ABI3BP: variants seen among roughly 807,000 people sequenced by gnomAD.
ABI3BP encodes the protein ABI family member 3 binding protein, also known as target of Nesh-SH3.
In ABI3BP, 216 loss-of-function variants were observed where a neutral mutation model predicts 268.6. The observed-to-expected ratio is 0.80, with a 90% CI of 0.72 to 0.90. The LOEUF (loss-of-function observed/expected upper bound fraction) is 0.90, where lower values mean the gene tolerates loss of function less well. ABI3BP is among the 40% of genes least tolerant of loss of function. The probability of loss-of-function intolerance (pLI) is 0.00; values close to 1 mark genes in which losing one functional copy is unlikely to be tolerated. For missense variants in ABI3BP, 2,090 were observed against 2,182.4 expected (o/e 0.96, Z 0.84); for synonymous variants, 730 against 730.0 (o/e 1.00, Z 0.00).
chr3:100,818,574 A>G lies in ABI3BP; in HGVS notation c.3039T>C (p.Ser1013=). ...TGAGAGTACCAGGTTCAAGATCTGT[A>G]GAAGGAACTAATTAAAAGCAATGAA... The part of the protein sequence containing the change: ...PEVPQTKLVP[S]TDLEPGTLRT... Residue 1013 remains serine, a synonymous_variant, in exon 41 of 68, where the codon TCT becomes TCC. Transcript: ENST00000471714. 6.5e-7 allele frequency: 1 copy of G among 1,534,946 alleles called. No homozygotes were observed. The highest frequency in any genetic ancestry group is 8.7e-7 in the Non-Finnish European group (1 of 1,145,906).
chr3:100,783,082 T>C (rs573769333), intron 57 of ABI3BP, among the ~76,000 whole-genome samples: 6 of 152,258 alleles, frequency 3.9e-5, no homozygotes, highest in African/African-American at 1.4e-4. Flanking sequence ...AACAAAAACT[T>C]TGCAAACAAA....
At chr3:100,926,611 A>G in intron 1 of ABI3BP, 130 bp from the exon 2 acceptor site, 2 of 797,672 alleles carry the variant, frequency 2.5e-6, no homozygotes, top group Admixed American at 2.6e-5. Flanking sequence ...GCTACTCAGT[A>G]TTACAGCACA....
At chr3:100,958,774 T>G (rs565855426) in intron 1 of ABI3BP, among the ~76,000 whole-genome samples, 1 of 152,336 alleles carries the variant, frequency 6.6e-6, no homozygotes, top group African/African-American at 2.4e-5. Context: ...TTGGTTAAAA[T>G]TTTTAATGAA....
intron 12 of ABI3BP, 105 bp from the exon 13 acceptor site, chr3:100,863,014 A>G: frequency 1.3e-6 from 1 of 778,712 alleles, no homozygotes; most frequent in Admixed American, 2.5e-5. Flanking sequence ...AAAAAGGCAA[A>G]TCATGTTAAG....
chr3:100,858,819 T>A (rs2098965972), intron 14 of ABI3BP, among the ~76,000 whole-genome samples: 1 of 152,156 alleles, frequency 6.6e-6, no homozygotes, highest in African/African-American at 2.4e-5. Flanking sequence ...CAGTCTCTAA[T>A]TATGTGGCAC....
intron 63 of ABI3BP, among the ~76,000 whole-genome samples, chr3:100,764,749 A>T (rs1003084799): frequency 4.6e-5 from 7 of 152,236 alleles, no homozygotes; most frequent in Admixed American, 2.6e-4. Flanking sequence ...ATTATGGCAA[A>T]ACAGACTTTC....
intron 1 of ABI3BP, among the ~76,000 whole-genome samples, chr3:100,976,818 A>G (rs1170754711): frequency 6.6e-6 from 1 of 152,126 alleles, no homozygotes; most frequent in African/African-American, 2.4e-5. Context: ...GGCTGTCTTT[A>G]AGCTATCTTG....
At chr3:100,975,413 T>C (rs990222236) in intron 1 of ABI3BP, among the ~76,000 whole-genome samples, 1 of 152,052 alleles carries the variant, frequency 6.6e-6, no homozygotes, top group Non-Finnish European at 1.5e-5. Flanking sequence ...TTGGGGGAGA[T>C]GGGCTGCTAA....
intron 1 of ABI3BP, among the ~76,000 whole-genome samples, chr3:100,967,693 A>G (rs146505380): frequency 7.0e-4 from 106 of 152,244 alleles, no homozygotes; most frequent in African/African-American, 2.3e-3. Flanking sequence ...CAATTCAAAA[A>G]CAATTCAATA....
intron 30 of ABI3BP, among the ~76,000 whole-genome samples, 194 bp downstream of exon 30, chr3:100,832,931 C>G (rs1196431674): frequency 6.6e-6 from 1 of 152,130 alleles, no homozygotes; most frequent in Non-Finnish European, 1.5e-5. Context: ...CAGTTTCAAG[C>G]TGGGCTATGG....
chr3:100,841,044 C>A (rs996233344), intron 21 of ABI3BP, among the ~76,000 whole-genome samples, 186 bp from the exon 22 acceptor site: 9 of 151,270 alleles, frequency 5.9e-5, no homozygotes, highest in Non-Finnish European at 1.3e-4. Flanking sequence ...ACAAAGCGAA[C>A]AAAAAAATGT....
intron 14 of ABI3BP, among the ~76,000 whole-genome samples, chr3:100,861,232 C>T (rs2153150083): frequency 6.6e-6 from 1 of 152,214 alleles, no homozygotes; most frequent in South Asian, 2.1e-4. Flanking sequence ...AGACATATTC[C>T]CTTAATTTGA....
intron 57 of ABI3BP, among the ~76,000 whole-genome samples, chr3:100,785,848 G>A (rs2097023926): frequency 6.6e-6 from 1 of 152,090 alleles, no homozygotes; most frequent in African/African-American, 2.4e-5. Flanking sequence ...GCTTTCATTG[G>A]GGATGAATTT....
chr3:100,929,409 C>T (rs2062901044), intron 1 of ABI3BP, among the ~76,000 whole-genome samples: 1 of 152,054 alleles, frequency 6.6e-6, no homozygotes, highest in Non-Finnish European at 1.5e-5. Flanking sequence ...CTTTTGCTAA[C>T]AATGTATATC....
intron 63 of ABI3BP, among the ~76,000 whole-genome samples, chr3:100,764,798 C>A (rs1175961876): frequency 1.3e-5 from 2 of 152,178 alleles, no homozygotes; most frequent in Non-Finnish European, 1.5e-5. Flanking sequence ...GGAAACAGAA[C>A]AAAGAGCAAA....
intron 1 of ABI3BP, among the ~76,000 whole-genome samples, chr3:100,928,650 G>C (rs946734260): frequency 4.6e-5 from 7 of 151,992 alleles, no homozygotes; most frequent in Non-Finnish European, 7.4e-5. Flanking sequence ...TTGTTATACT[G>C]TGGCAAAATA....
chr3:100,820,587 G>A (rs2098189422), intron 39 of ABI3BP, among the ~76,000 whole-genome samples: 1 of 152,136 alleles, frequency 6.6e-6, no homozygotes, highest in South Asian at 2.1e-4. Context: ...ATATAGTGGT[G>A]GTGGTCAGTT....
At chr3:100,961,721 C>G in intron 1 of ABI3BP, among the ~76,000 whole-genome samples, 1 of 152,166 alleles carries the variant, frequency 6.6e-6, no homozygotes. Flanking sequence ...TAAATCTGTT[C>G]CACTTCCAAA....
chr3:100,930,881 C>T (rs1287410289), intron 1 of ABI3BP: 1 of 151,926 alleles, frequency 6.6e-6, no homozygotes, highest in Admixed American at 6.6e-5. Flanking sequence ...CTGGCAGAAA[C>T]ACAATGAAAA....
Sources: allele counts gnomAD v4.1 joint callset (sites outside exome capture counted in the v4.1 genomes callset), GRCh38; gene constraint gnomAD v4.1.1; transcripts MANE v1.5; gene names NCBI Gene and HGNC (gene_info 2026-07-23, HGNC 2026-07-21).